Variants in C1orf87 observed in about 807,000 individuals in gnomAD.
C1orf87 encodes uncharacterized protein C1orf87.
A neutral mutation model predicts 60.5 loss-of-function variants in C1orf87; 58 were observed. That is an observed-to-expected ratio of 0.96 (90% CI 0.78 to 1.19). The LOEUF is 1.19. C1orf87 is among the 50% of genes most tolerant of loss of function. The pLI is 0.00. For synonymous variants in C1orf87, 236 were observed against 227.4 expected (o/e 1.04, Z -0.34); for missense variants, 673 against 638.6 (o/e 1.05, Z -0.58).
chr1:60,029,789 C>T (rs545225953), intron 7 of C1orf87, among the ~76,000 whole-genome samples: 107 of 151,910 alleles, frequency 7.0e-4, no homozygotes, highest in Middle Eastern at 3.4e-3. Context: ...TACAGGCATG[C>T]GCCACCATGC....
rs1463506974 is a variant in C1orf87, at chr1:60,033,588, T to C, written c.917A>G (p.Glu306Gly). Residue 306 changes from glutamate to glycine, a missense_variant, in exon 7 of 12, where the codon GAG (glutamate) becomes GGG (glycine). By Grantham distance (98) the Glu-to-Gly change is moderately conservative. Coordinates refer to ENST00000371201, the MANE Select transcript of C1orf87 (RefSeq NM_152377.3). ...SQPEVNRSLLEILKMALRTTN... is the reference protein window; with the variant it reads ...SQPEVNRSLLGILKMALRTTN... Reference sequence around the variant, plus strand: ...TGTCCTTAGTGCCATCTTCAAAATCTCCAACAGACTCCTGTTCACTTCTGG... The same window carrying C: ...TGTCCTTAGTGCCATCTTCAAAATCCCCAACAGACTCCTGTTCACTTCTGG... 2.5e-6 allele frequency: 4 copies of C among 1,613,474 alleles called. No homozygotes were observed. Among genetic ancestry groups the C allele is most frequent in the Non-Finnish European group, 3.4e-6 (4 of 1,179,660 alleles).
At chr1:59,997,541 A>G (rs1388189730) in intron 11 of C1orf87, 68 bp downstream of exon 11, 3 of 1,460,380 alleles carry the variant, frequency 2.1e-6, no homozygotes, top group Admixed American at 3.6e-5. Flanking sequence ...GCAAAAGAAA[A>G]TGAGGTGCCT....
chr1:60,031,596 T>A lies in C1orf87; in HGVS notation c.1029+1880A>T, dbSNP rs147917496. On this transcript the variant is annotated intron_variant, in intron 7 of 11. Transcript: ENST00000371201. ...TTTATAAGAAGGAGAGGAAGCATAT[T>A]TAGTGAGGGCCTTATAAATCAGATA... 1.2e-3 allele frequency among the ~76,000 whole-genome samples: 182 copies of A among 152,276 alleles called. 2 individuals are homozygous for A. The East Asian group carries it at 0.026, about 22-fold the overall frequency.
At chr1:60,071,566 A>G (rs1476339550) in intron 2 of C1orf87, among the ~76,000 whole-genome samples, 1 of 152,140 alleles carries the variant, frequency 6.6e-6, no homozygotes, top group Non-Finnish European at 1.5e-5. Context: ...ACCTTACAAT[A>G]CTGATAGTAG....
intron 8 of C1orf87, among the ~76,000 whole-genome samples, chr1:60,025,125 C>T (rs1364075207): frequency 6.6e-6 from 1 of 152,180 alleles, no homozygotes; most frequent in African/African-American, 2.4e-5. Flanking sequence ...AAGGTGCTGG[C>T]ACCTTAAGTT....
intron 11 of C1orf87, among the ~76,000 whole-genome samples, chr1:59,995,431 G>A (rs755269770): frequency 6.6e-6 from 1 of 152,106 alleles, no homozygotes; most frequent in African/African-American, 2.4e-5. Context: ...AAAGAATGAA[G>A]CCTCATCCTA....
At chr1:60,035,632 C>T (rs1036485032) in intron 6 of C1orf87, among the ~76,000 whole-genome samples, 1 of 152,240 alleles carries the variant, frequency 6.6e-6, no homozygotes, top group African/African-American at 2.4e-5. Flanking sequence ...TAGAAAGCAG[C>T]ACCTTCTCTG....
rs1644913148 is a variant in C1orf87 at position 59,990,526 on chromosome 1, TA to T, written c.*146del. 1 of 968,640 alleles carries T rather than the reference TA, an allele frequency of 1.0e-6. No homozygotes were observed. The highest frequency in any genetic ancestry group is 1.5e-6 in the Non-Finnish European group (1 of 654,278). The allele number at this position is 968,640 out of a possible 1,614,324, so 60.0% of individuals were successfully genotyped here. ...ATGAGTGAGCATCATAGCCAGAAACTAAGTCCAAATCAAAAGCATCTACAAT... is the reference window on the plus strand; with the variant it reads ...ATGAGTGAGCATCATAGCCAGAAACTAGTCCAAATCAAAAGCATCTACAAT... On this transcript the variant is annotated 3_prime_UTR_variant, in exon 12 of 12. Coordinates refer to ENST00000371201, the MANE Select transcript of C1orf87 (RefSeq NM_152377.3).
chr1:60,055,732 C>G (rs537715788), intron 2 of C1orf87, among the ~76,000 whole-genome samples: 1 of 152,096 alleles, frequency 6.6e-6, no homozygotes, highest in African/African-American at 2.4e-5. Context: ...AAAAATGAAC[C>G]CTAAAGGTTA....
At chr1:60,009,931 C>T (rs183393296) in intron 9 of C1orf87, among the ~76,000 whole-genome samples, 6 of 151,696 alleles carry the variant, frequency 4.0e-5, no homozygotes, top group African/African-American at 7.3e-5. Context: ...AAATAGCCCA[C>T]GAAGGATCTT....
At chr1:60,001,677 T>A (rs1024622865) in intron 9 of C1orf87, among the ~76,000 whole-genome samples, 8 of 151,768 alleles carry the variant, frequency 5.3e-5, no homozygotes, top group Non-Finnish European at 1.0e-4. Context: ...ACTTAGGGAG[T>A]TGAAGGGACG....
chr1:60,006,045 A>C (rs1013210986), intron 9 of C1orf87, among the ~76,000 whole-genome samples: 3 of 151,980 alleles, frequency 2.0e-5, no homozygotes, highest in African/African-American at 7.2e-5. Context: ...CTTCTATATG[A>C]GAAGAAATAC....
At chr1:60,010,604 C>T in intron 8 of C1orf87, 148 bp from the exon 9 acceptor site, 1 of 659,984 alleles carries the variant, frequency 1.5e-6, no homozygotes, top group Non-Finnish European at 2.6e-6. Context: ...ACAGAAACTA[C>T]TTTGTATATC....
At chr1:60,038,177 A>C (rs1351026641) in intron 5 of C1orf87, 70 bp from the exon 6 acceptor site, 3 of 963,796 alleles carry the variant, frequency 3.1e-6, no homozygotes. Flanking sequence ...TGTTGAGATA[A>C]AATGTATTTG....
rs189897044 is a variant in C1orf87 at position 60,056,366 on chromosome 1, T to C, written c.108-928A>G. On this transcript the variant is annotated intron_variant, in intron 2 of 11. Coordinates refer to ENST00000371201, the MANE Select transcript of C1orf87 (RefSeq NM_152377.3). Reference sequence around the variant, plus strand: ...GACAAAACATTAGGAGTCAAGAAGCTGAAACTCTGACATTGTAGAACAATG... The same window carrying C: ...GACAAAACATTAGGAGTCAAGAAGCCGAAACTCTGACATTGTAGAACAATG... Among the ~76,000 whole-genome samples the C allele has an allele frequency of 2.3e-3, 344 of 152,192 alleles. 1 individual carries two copies. The highest frequency in any genetic ancestry group is 7.8e-3 in the African/African-American group (322 of 41,514).
At position 60,019,853 on chromosome 1, in the gene C1orf87, A is replaced by G. The variant is rs185656766; in HGVS notation, c.1127+5548T>C. 6.3e-3 allele frequency among the ~76,000 whole-genome samples: 956 copies of G among 152,322 alleles called. 15 individuals are homozygous for G. The highest frequency in any genetic ancestry group is 0.022 in the African/African-American group (909 of 41,566). ...GAAATTTCTAAGTAGCAAAGCATTCAAGATGTGACCTGGCTGTTTCTAAAA... is the reference window on the plus strand; with the variant it reads ...GAAATTTCTAAGTAGCAAAGCATTCGAGATGTGACCTGGCTGTTTCTAAAA... On this transcript the variant is annotated intron_variant, in intron 8 of 11. Coordinates refer to ENST00000371201, the MANE Select transcript of C1orf87 (RefSeq NM_152377.3).
intron 3 of C1orf87, among the ~76,000 whole-genome samples, chr1:60,045,708 C>T (rs1187089794): frequency 1.3e-5 from 2 of 152,146 alleles, no homozygotes; most frequent in Non-Finnish European, 2.9e-5. Context: ...CCAGAAGCCT[C>T]AGCTTCCTCT....
At chr1:60,061,460 G>C (rs1340109994) in intron 2 of C1orf87, among the ~76,000 whole-genome samples, 1 of 151,788 alleles carries the variant, frequency 6.6e-6, no homozygotes, top group East Asian at 1.9e-4. Context: ...AATGTCTAAT[G>C]GTATTTCATT....
intron 3 of C1orf87, among the ~76,000 whole-genome samples, chr1:60,042,470 C>A (rs1645332951): frequency 6.6e-6 from 1 of 152,318 alleles, no homozygotes; most frequent in East Asian, 1.9e-4. Context: ...GTATGAATAG[C>A]AACCTACAGA....
Sources: allele counts gnomAD v4.1 joint callset (sites outside exome capture counted in the v4.1 genomes callset), GRCh38; gene constraint gnomAD v4.1.1; transcripts MANE v1.5; gene names NCBI Gene and HGNC (gene_info 2026-07-23, HGNC 2026-07-21).